The following PHTF2 variants were observed in gnomAD, a reference collection of about 807,000 sequenced individuals.
PHTF2 encodes protein PHTF2.
PHTF2 carries 60 observed loss-of-function variants against 101.2 expected under a neutral mutation model. The ratio of observed to expected loss-of-function variants is 0.59; its 90% CI spans 0.48 to 0.73. PHTF2 has a LOEUF of 0.73. Among genes scored for constraint, PHTF2 ranks in the 30% least tolerant of loss-of-function variants. PHTF2 has a pLI of 0.00. For synonymous variants in PHTF2, 311 were observed against 307.3 expected (o/e 1.01, Z -0.13); for missense variants, 747 against 908.7 (o/e 0.82, Z 2.29).
In PHTF2 at chr7:77,877,286, A is replaced by T. The variant is rs543823846; in HGVS notation, c.148-16322A>T. On this transcript the variant is annotated intron_variant, in intron 3 of 19. Coordinates refer to ENST00000416283, the Ensembl canonical transcript of PHTF2. ...ATGCCTGGCTAATTTTTGTATTTTC[A>T]GTAGAGACAGGGTTTCACTGTGTCG... Among the ~76,000 whole-genome samples the T allele has an allele frequency of 2.0e-5, 3 of 151,936 alleles. No individual in the cohort carries two copies. In the East Asian group the frequency reaches 5.8e-4, roughly 29 times the overall value.
At chr7:77,882,663 G>A (rs761402267) in intron 3 of PHTF2, among the ~76,000 whole-genome samples, 2 of 152,092 alleles carry the variant, frequency 1.3e-5, no homozygotes, top group African/African-American at 2.4e-5. Context: ...TGGGTTAAAG[G>A]TCTTCTATGG....
intron 2 of PHTF2, among the ~76,000 whole-genome samples, chr7:77,853,745 A>G (rs1323231333): frequency 1.3e-5 from 2 of 151,870 alleles, no homozygotes; most frequent in Non-Finnish European, 2.9e-5. Flanking sequence ...TTTTAAAGTC[A>G]ACCAGTATAT....
At chr7:77,930,843 T>A (rs1804502284) in intron 12 of PHTF2, among the ~76,000 whole-genome samples, 1 of 152,172 alleles carries the variant, frequency 6.6e-6, no homozygotes, top group Non-Finnish European at 1.5e-5. Context: ...TGATTTAAAG[T>A]CCATATTAAA....
chr7:77,862,744 G>A (rs996505159), intron 3 of PHTF2, among the ~76,000 whole-genome samples: 2 of 152,084 alleles, frequency 1.3e-5, no homozygotes, highest in Non-Finnish European at 2.9e-5. Context: ...AATATTTGCC[G>A]GTTATATTCC....
chr7:77,847,306 T>C (rs958987012), intron 2 of PHTF2, among the ~76,000 whole-genome samples: 5 of 152,226 alleles, frequency 3.3e-5, no homozygotes, highest in African/African-American at 1.2e-4. Context: ...AATGCGCTTA[T>C]TACATTTTCA....
chr7:77,837,425 C>G (rs1023842053), intron 1 of PHTF2, among the ~76,000 whole-genome samples: 2 of 152,122 alleles, frequency 1.3e-5, no homozygotes, highest in Non-Finnish European at 2.9e-5. Flanking sequence ...TCTTTGAGTG[C>G]TTTGTCAGAT....
chr7:77,935,202 A>G (rs566723650), intron 12 of PHTF2, among the ~76,000 whole-genome samples: 1 of 124,850 alleles, frequency 8.0e-6, no homozygotes, highest in East Asian at 2.6e-4. Context: ...AACATTGAAC[A>G]TGTAATTTAC....
chr7:77,823,362 A>G (rs980420722), intron 1 of PHTF2, among the ~76,000 whole-genome samples: 16 of 152,130 alleles, frequency 1.1e-4, no homozygotes, highest in African/African-American at 3.9e-4. Context: ...TTGGGACTAC[A>G]GGCACACGCC....
In PHTF2 at chr7:77,928,351, T is replaced by A. The variant is rs190473213; in HGVS notation, c.1120-758T>A. Among the ~76,000 whole-genome samples the A allele has an allele frequency of 7.2e-4, 109 of 152,340 alleles. No homozygotes were observed. The South Asian group carries it at 7.5e-3, about 10-fold the overall frequency. On this transcript the variant is annotated intron_variant, in intron 11 of 19. Coordinates refer to ENST00000416283, the Ensembl canonical transcript of PHTF2. ...CTGATTAGAAATTACTTAACTTGTT[T>A]TAATTTTTTACTTTTATACCACAGA... is the stretch of plus-strand genomic sequence containing the variant.
chr7:77,952,515 C>T (rs528928192), intron 18 of PHTF2, among the ~76,000 whole-genome samples: 99 of 152,184 alleles, frequency 6.5e-4, no homozygotes, highest in African/African-American at 2.2e-3. Context: ...TTTAATTATC[C>T]TGAGGAAGAT....
chr7:77,940,748 G>A (rs938540448), intron 15 of PHTF2, 89 bp downstream of exon 14: 6 of 903,994 alleles, frequency 6.6e-6, no homozygotes, highest in Non-Finnish European at 9.7e-6. Context: ...GTCTCTAGAT[G>A]TATAGTAACC....
chr7:77,941,385 T>TA (rs1304953717), intron 15 of PHTF2, among the ~76,000 whole-genome samples: 1 of 152,200 alleles, frequency 6.6e-6, no homozygotes, highest in Non-Finnish European at 1.5e-5. Context: ...TCCTATGACA[T>TA]ATCTGTTGTA....
rs140218465 is a variant in PHTF2 at position 77,809,319 on chromosome 7, C to T, written c.-36+10348C>T. Among the ~76,000 whole-genome samples the T allele has an allele frequency of 9.2e-4, 139 of 150,506 alleles. 1 individual carries two copies. The East Asian group carries it at 0.013, about 14-fold the overall frequency. ...TTGGCTCACTGCAACCTCCGCCTCC[C>T]GGCTTCAAATGATTCTCCTGCCTCA... is the stretch of plus-strand genomic sequence containing the variant. On this transcript the variant is annotated intron_variant, in intron 1 of 19. Coordinates refer to ENST00000416283, the Ensembl canonical transcript of PHTF2.
intron 12 of PHTF2, among the ~76,000 whole-genome samples, chr7:77,933,830 C>T (rs1045557496): frequency 1.3e-5 from 2 of 151,108 alleles, no homozygotes; most frequent in Non-Finnish European, 2.9e-5. Context: ...GCCAATTAGG[C>T]CTTTCTTAAA....
At chr7:77,847,879 G>T (rs539066324) in intron 2 of PHTF2, among the ~76,000 whole-genome samples, 7 of 152,138 alleles carry the variant, frequency 4.6e-5, no homozygotes, top group African/African-American at 1.7e-4. Flanking sequence ...CCAGCCTCTG[G>T]TAATGATCAC....
At chr7:77,914,923 T>G (rs914245044) in intron 9 of PHTF2, among the ~76,000 whole-genome samples, 11 of 152,196 alleles carry the variant, frequency 7.2e-5, no homozygotes, top group African/African-American at 2.2e-4. Context: ...TTAGTTTTTT[T>G]GGGGTGGAGG....
intron 1 of PHTF2, among the ~76,000 whole-genome samples, chr7:77,836,376 G>A (rs1752932845): frequency 6.6e-6 from 1 of 152,128 alleles, no homozygotes; most frequent in South Asian, 2.1e-4. Context: ...GACCAGCGCA[G>A]CTTACCCACC....
intron 9 of PHTF2, among the ~76,000 whole-genome samples, chr7:77,919,800 T>C (rs912107718): frequency 6.6e-6 from 1 of 152,160 alleles, no homozygotes; most frequent in Non-Finnish European, 1.5e-5. Context: ...TTTTCGTTTT[T>C]TTATATCTTT....
At chr7:77,865,823 C>T (rs918215135) in intron 3 of PHTF2, among the ~76,000 whole-genome samples, 1 of 151,932 alleles carries the variant, frequency 6.6e-6, no homozygotes, top group African/African-American at 2.4e-5. Flanking sequence ...TCAAGCCAGG[C>T]ACTTATTTCA....
Sources: allele counts gnomAD v4.1 joint callset (sites outside exome capture counted in the v4.1 genomes callset), GRCh38; gene constraint gnomAD v4.1.1; transcripts MANE v1.5; gene names NCBI Gene and HGNC (gene_info 2026-07-23, HGNC 2026-07-21).